The following SH3BP5 variants were observed in gnomAD, a reference collection of about 807,000 sequenced individuals.
SH3BP5 encodes the protein SH3 domain-binding protein 5.
A neutral mutation model predicts 43.3 loss-of-function variants in SH3BP5; 22 were observed. That is an observed-to-expected ratio of 0.51 (90% CI 0.36 to 0.73). SH3BP5 has a LOEUF of 0.73. Ranked by LOEUF, SH3BP5 falls within the 30% of genes least tolerant of loss-of-function variation. SH3BP5 has a pLI of 0.00. For missense variants in SH3BP5, 529 were observed against 586.9 expected, an observed-to-expected ratio of 0.90 and a Z score of 1.02; for synonymous variants, 255 against 225.8, an observed-to-expected ratio of 1.13 and a Z score of -1.16.
At chr3:15,259,201 C>T in intron 6 of SH3BP5, 151 bp from the exon 7 acceptor site, 1 of 650,232 alleles carries the variant, frequency 1.5e-6, no homozygotes, top group Non-Finnish European at 2.7e-6. Flanking sequence ...ATTGTAACTG[C>T]TATTCATTCA....
intron 6 of SH3BP5, chr3:15,259,510 T>C: frequency 3.4e-6 from 2 of 590,278 alleles, no homozygotes; most frequent in South Asian, 3.9e-5. Context: ...CTGATGCTGC[T>C]GGTCCTAAGA....
At chr3:15,335,707 AC>A (rs1698693603), upstream of SH3BP5, among the ~76,000 whole-genome samples, 1 of 152,186 alleles carries the variant, frequency 6.6e-6, no homozygotes, top group South Asian at 2.1e-4. Flanking sequence ...GGGTCCAGAA[AC>A]CAATCCCCCA....
chr3:15,259,119 G>A (rs936601122), intron 6 of SH3BP5, 69 bp from the exon 7 acceptor site: 7 of 1,255,598 alleles, frequency 5.6e-6, no homozygotes, highest in Non-Finnish European at 8.1e-6. Flanking sequence ...TGAATGACAG[G>A]TTCAAGTACA....
At chr3:15,309,669 T>G (rs74567132) in intron 2 of SH3BP5, among the ~76,000 whole-genome samples, 2 of 152,222 alleles carry the variant, frequency 1.3e-5, no homozygotes, top group African/African-American at 4.8e-5. Flanking sequence ...GTGATTCTGA[T>G]GGGCAGGTTC....
upstream of SH3BP5, among the ~76,000 whole-genome samples, chr3:15,335,081 A>T (rs1215982505): frequency 6.6e-6 from 1 of 152,164 alleles, no homozygotes; most frequent in Non-Finnish European, 1.5e-5. Context: ...GTTTGAGACC[A>T]GCCTGGACAA....
In SH3BP5 at chr3:15,310,984, A is replaced by G. The variant is rs939953085; in HGVS notation, c.202-6753T>C. Among the ~76,000 whole-genome samples, 4 of 152,122 alleles carry G rather than the reference A, an allele frequency of 2.6e-5. No homozygotes were observed. In the East Asian group the frequency reaches 7.7e-4, roughly 29 times the overall value. On this transcript the variant is annotated intron_variant, in intron 2 of 8. Coordinates refer to ENST00000383791, the MANE Select transcript of SH3BP5 (RefSeq NM_004844.5). ...AGGATGAGTCAGTGTTTTCTGGCCA[A>G]TCGCTCACCTGCTCACCTCAATTAC... is the stretch of plus-strand genomic sequence containing the variant.
chr3:15,273,776 C>T (rs1367519315), intron 3 of SH3BP5, among the ~76,000 whole-genome samples: 6 of 152,178 alleles, frequency 3.9e-5, no homozygotes, highest in African/African-American at 1.4e-4. Flanking sequence ...TGGTAAGTGA[C>T]AGCTAATGAG....
chr3:15,298,585 T>C (rs920017185), intron 3 of SH3BP5, among the ~76,000 whole-genome samples: 3 of 152,310 alleles, frequency 2.0e-5, no homozygotes, highest in African/African-American at 4.8e-5. Context: ...TGTCCATGGA[T>C]GAATGGATAA....
intron 1 of SH3BP5, 170 bp from the exon 2 acceptor site, chr3:15,330,736 A>G: frequency 1.0e-6 from 1 of 985,328 alleles, no homozygotes. Flanking sequence ...AAGCAAATGA[A>G]TGTCGGCATT....
upstream of SH3BP5, among the ~76,000 whole-genome samples, chr3:15,335,622 G>A (rs1698692719): frequency 6.6e-6 from 1 of 152,088 alleles, no homozygotes; most frequent in African/African-American, 2.4e-5. Context: ...GTATACAGGA[G>A]GTTGTATGTA....
chr3:15,289,572 G>C (rs191281139), intron 3 of SH3BP5, among the ~76,000 whole-genome samples: 1 of 152,306 alleles, frequency 6.6e-6, no homozygotes, highest in African/African-American at 2.4e-5. Context: ...CGGAATCCTT[G>C]TGTGTTTAGG....
rs558670828 is a variant in SH3BP5, at chr3:15,273,697, G to A, written c.331-3820C>T. Reference sequence around the variant, plus strand: ...ACTGTCTATTCTCTCTATTCGTTGTGGTCTCAAAGGGAGGCAATATCTCAG... The same window carrying A: ...ACTGTCTATTCTCTCTATTCGTTGTAGTCTCAAAGGGAGGCAATATCTCAG... On this transcript the variant is annotated intron_variant, in intron 3 of 8. Transcript: ENST00000383791. 2.0e-5 allele frequency among the ~76,000 whole-genome samples: 3 copies of A among 152,252 alleles called. No homozygotes were observed. The East Asian group carries it at 5.8e-4, about 29-fold the overall frequency.
intron 3 of SH3BP5, among the ~76,000 whole-genome samples, chr3:15,303,857 T>G (rs3773466): frequency 0.64 from 97,321 of 152,042 alleles, 32,178 homozygotes; most frequent in East Asian, 0.83. Context: ...ACACGTCCCC[T>G]TAAGTGCACT....
At chr3:15,298,410 T>C (rs1257338982) in intron 3 of SH3BP5, among the ~76,000 whole-genome samples, 1 of 152,208 alleles carries the variant, frequency 6.6e-6, no homozygotes, top group Non-Finnish European at 1.5e-5. Flanking sequence ...TAAAGGAGGT[T>C]ATATGTAAGA....
intron 3 of SH3BP5, among the ~76,000 whole-genome samples, chr3:15,274,089 C>CAA (rs527692162): frequency 6.6e-5 from 10 of 151,840 alleles, no homozygotes; most frequent in African/African-American, 2.4e-4. Flanking sequence ...ACTAAAAATA[C>CAA]AAAAAAATTA....
chr3:15,337,606 A>G (rs986734181), intron 1 of SH3BP5, among the ~76,000 whole-genome samples: 1 of 152,130 alleles, frequency 6.6e-6, no homozygotes, highest in African/African-American at 2.4e-5. Context: ...TTGGGGAGAC[A>G]GGCCCTCATG....
At chr3:15,332,050 G>T (rs1029774159) in intron 1 of SH3BP5, 2 of 654,988 alleles carry the variant, frequency 3.1e-6, no homozygotes, top group East Asian at 3.3e-5. Flanking sequence ...GTCGGCGGGG[G>T]ACTCCCCGCA....
rs746508915 is a variant in SH3BP5 at position 15,256,075 on chromosome 3, C to T, written c.*11G>A. 2 of 1,604,734 alleles carry T rather than the reference C, an allele frequency of 1.2e-6. No homozygotes were observed. Among genetic ancestry groups the T allele is most frequent in the South Asian group, 2.2e-5 (2 of 90,616 alleles). On this transcript the variant is annotated 3_prime_UTR_variant, in exon 9 of 9. Transcript: ENST00000383791. ...ATGTTGATATGCACATCGGCCAGGGCCCAGGATGAATCAGCCAATCTGCAC... is the reference window on the plus strand; with the variant it reads ...ATGTTGATATGCACATCGGCCAGGGTCCAGGATGAATCAGCCAATCTGCAC...
chr3:15,314,786 C>T (rs1353034624), intron 2 of SH3BP5, among the ~76,000 whole-genome samples: 1 of 152,206 alleles, frequency 6.6e-6, no homozygotes, highest in Non-Finnish European at 1.5e-5. Context: ...TTCAAGATCA[C>T]TGCTGGAAAC....
Sources: allele counts gnomAD v4.1 joint callset (sites outside exome capture counted in the v4.1 genomes callset), GRCh38; gene constraint gnomAD v4.1.1; transcripts MANE v1.5; gene names NCBI Gene and HGNC (gene_info 2026-07-23, HGNC 2026-07-21).